Variants in PRIMA1 observed in about 807,000 individuals in gnomAD.
PRIMA1 encodes the protein proline-rich membrane anchor 1.
A neutral mutation model predicts 17.5 loss-of-function variants in PRIMA1; 7 were observed. The ratio of observed to expected loss-of-function variants is 0.40; its 90% CI spans 0.23 to 0.75. The LOEUF (loss-of-function observed/expected upper bound fraction) is 0.75, where lower values mean the gene tolerates loss of function less well. PRIMA1 is among the 30% of genes least tolerant of loss of function. The probability of loss-of-function intolerance (pLI) is 0.37; values close to 1 mark genes in which losing one functional copy is unlikely to be tolerated. For missense variants in PRIMA1, 200 were observed against 201.8 expected, an observed-to-expected ratio of 0.99 and a Z score of 0.05; for synonymous variants, 97 against 77.9, an observed-to-expected ratio of 1.25 and a Z score of -1.29.
At chr14:93,772,445 T>A (rs959365233) in intron 3 of PRIMA1, among the ~76,000 whole-genome samples, 1 of 152,224 alleles carries the variant, frequency 6.6e-6, no homozygotes, top group Non-Finnish European at 1.5e-5. Context: ...ACAGAGGGCG[T>A]GTGTGTGCTT....
At chr14:93,752,512 C>T (rs1445937928) in intron 3 of PRIMA1, among the ~76,000 whole-genome samples, 2 of 152,170 alleles carry the variant, frequency 1.3e-5, no homozygotes, top group Non-Finnish European at 2.9e-5. Flanking sequence ...CTCACTATAT[C>T]TTCCTGAAAA....
intron 3 of PRIMA1, among the ~76,000 whole-genome samples, chr14:93,747,063 G>C (rs2076222902): frequency 6.6e-6 from 1 of 152,210 alleles, no homozygotes; most frequent in Non-Finnish European, 1.5e-5. Context: ...GCAGTGGCCA[G>C]CACCTAGCCC....
chr14:93,722,684 T>C (rs2076048363), intron 4 of PRIMA1, among the ~76,000 whole-genome samples: 1 of 20,944 alleles, frequency 4.8e-5, no homozygotes, highest in Non-Finnish European at 1.0e-4. Context: ...GATGGGGTGA[T>C]GATGGTAATG....
At chr14:93,770,164 C>T (rs1885016094) in intron 3 of PRIMA1, among the ~76,000 whole-genome samples, 1 of 152,190 alleles carries the variant, frequency 6.6e-6, no homozygotes, top group African/African-American at 2.4e-5. Flanking sequence ...CCACCACCAC[C>T]ATCTCTCCCT....
At chr14:93,773,042 A>G (rs1885113341) in intron 3 of PRIMA1, among the ~76,000 whole-genome samples, 1 of 152,148 alleles carries the variant, frequency 6.6e-6, no homozygotes, top group Admixed American at 6.5e-5. Flanking sequence ...TCCATTCTAC[A>G]CATTTGGAAA....
chr14:93,766,988 GA>G (rs1884908143), intron 3 of PRIMA1, among the ~76,000 whole-genome samples: 1 of 152,212 alleles, frequency 6.6e-6, no homozygotes, highest in African/African-American at 2.4e-5. Flanking sequence ...ATGAACAAAT[GA>G]CAGGGCATCA....
At chr14:93,786,411 C>G (rs756948895) in intron 2 of PRIMA1, among the ~76,000 whole-genome samples, 1 of 152,166 alleles carries the variant, frequency 6.6e-6, no homozygotes, top group South Asian at 2.1e-4. Context: ...ACCTGGCTAT[C>G]GATGGGCAGT....
intron 3 of PRIMA1, among the ~76,000 whole-genome samples, chr14:93,740,895 C>T (rs2076180418): frequency 6.6e-6 from 1 of 152,212 alleles, no homozygotes; most frequent in South Asian, 2.1e-4. Context: ...GAATTTGGCA[C>T]TAAATTTCAC....
intron 4 of PRIMA1, among the ~76,000 whole-genome samples, chr14:93,730,810 A>T (rs1309688364): frequency 6.6e-6 from 1 of 152,238 alleles, no homozygotes; most frequent in Admixed American, 6.5e-5. Context: ...TCCAGGAAAG[A>T]TCTTGGGAAA....
chr14:93,755,216 A>ATG (rs148307848), intron 3 of PRIMA1, among the ~76,000 whole-genome samples: 161 of 151,792 alleles, frequency 1.1e-3, no homozygotes, highest in Middle Eastern at 3.4e-3. Flanking sequence ...TTTCAAGATG[A>ATG]TGTGTGTGTG....
Position 93,726,170 on chromosome 14 carries a change from C to T in PRIMA1, c.360-4624G>A, listed in dbSNP as rs74814303. 1.3e-3 allele frequency among the ~76,000 whole-genome samples: 205 copies of T among 152,286 alleles called. No individual in the cohort carries two copies. The highest frequency in any genetic ancestry group is 4.8e-3 in the African/African-American group (198 of 41,556). On this transcript the variant is annotated intron_variant, in intron 4 of 4. Coordinates refer to ENST00000393140, the MANE Select transcript of PRIMA1 (RefSeq NM_178013.4). This position sits in a 1 kb window ranked among gnomAD's most constrained non-coding sequence, Gnocchi z 4.2. Reference sequence around the variant, plus strand: ...TGCTCGGAGTGCCGCGCGGACAGCTCCAGCCGCACATGCCAGCAGCCACGA... The same window carrying T: ...TGCTCGGAGTGCCGCGCGGACAGCTTCAGCCGCACATGCCAGCAGCCACGA...
chr14:93,784,901 A>C (rs1368095286), intron 2 of PRIMA1, among the ~76,000 whole-genome samples: 1 of 152,212 alleles, frequency 6.6e-6, no homozygotes, highest in East Asian at 1.9e-4. Context: ...AGGGCCTGGC[A>C]TACAGTAGGC....
chr14:93,744,510 AGCATGTG>A (rs561988639), intron 3 of PRIMA1, among the ~76,000 whole-genome samples: 250 of 152,326 alleles, frequency 1.6e-3, no homozygotes, highest in South Asian at 3.1e-3. Context: ...AGGCAACCAG[AGCATGTG>A]GGCCGCACTT....
intron 3 of PRIMA1, 91 bp downstream of exon 3, chr14:93,779,085 G>A (rs2141193525): frequency 1.1e-6 from 1 of 931,720 alleles, no homozygotes; most frequent in Non-Finnish European, 1.5e-6. Context: ...TTACCAAGGA[G>A]GCAGGGCTGC....
chr14:93,719,011 CT>C lies in PRIMA1; in HGVS notation c.*2432del, dbSNP rs2076020437. ...TCTGTAAGCTCAAAATCTAGTGGGT[CT>C]CCCTTGCTGTGCCGTATACTTGTTT... On this transcript the variant is annotated 3_prime_UTR_variant, in exon 5 of 5. Coordinates refer to ENST00000393140, the MANE Select transcript of PRIMA1 (RefSeq NM_178013.4). 1 of 152,104 alleles carries C rather than the reference CT, an allele frequency of 6.6e-6. No individual in the cohort carries two copies. The highest frequency in any genetic ancestry group is 1.5e-5 in the Non-Finnish European group (1 of 68,028). 9.4% of individuals were successfully genotyped at this position (152,104 alleles called of 1,614,324 possible). A position where few individuals can be genotyped will look rare whatever the true frequency, so the allele number is the denominator to read the frequency against.
chr14:93,762,199 C>T (rs146704398), intron 3 of PRIMA1, among the ~76,000 whole-genome samples: 30 of 152,280 alleles, frequency 2.0e-4, no homozygotes, highest in East Asian at 1.5e-3. Context: ...CTGACAGTGA[C>T]GAAGCTCTCT....
At chr14:93,774,813 C>T (rs1885164757) in intron 3 of PRIMA1, among the ~76,000 whole-genome samples, 1 of 152,216 alleles carries the variant, frequency 6.6e-6, no homozygotes, top group Non-Finnish European at 1.5e-5. Context: ...GGATACCTGT[C>T]TAGTTTTCAA....
intron 3 of PRIMA1, among the ~76,000 whole-genome samples, chr14:93,765,871 G>A (rs1884880469): frequency 6.6e-6 from 1 of 152,132 alleles, no homozygotes; most frequent in Non-Finnish European, 1.5e-5. Context: ...AAGGCCAGCT[G>A]AAAGTTCTCT....
At chr14:93,752,940 G>C (rs2076269588) in intron 3 of PRIMA1, among the ~76,000 whole-genome samples, 1 of 152,156 alleles carries the variant, frequency 6.6e-6, no homozygotes, top group African/African-American at 2.4e-5. Context: ...TTATGGTTGG[G>C]GCTGTCCTGT....
Sources: gnomAD v4.1 joint callset for allele counts (sites outside exome capture counted in the v4.1 genomes callset) on GRCh38, gnomAD v4.1.1 for gene constraint, Gnocchi (gnomAD v3.1) non-coding constraint, MANE v1.5 for transcripts, NCBI Gene and HGNC (gene_info 2026-07-23, HGNC 2026-07-21) for gene names.